CMSS1: variants seen among roughly 807,000 people sequenced by gnomAD.
The protein encoded by CMSS1 is protein CMSS1.
Under a neutral mutation model 43.5 loss-of-function variants are expected in CMSS1, and 33 were observed. That is an observed-to-expected ratio of 0.76 (90% CI 0.57 to 1.01). The LOEUF (loss-of-function observed/expected upper bound fraction) is 1.01, where lower values mean the gene tolerates loss of function less well. Among genes scored for constraint, CMSS1 ranks in the 50% least tolerant of loss-of-function variants. CMSS1 has a pLI of 0.00. For missense variants in CMSS1, 313 were observed against 326.4 expected (o/e 0.96, Z 0.32); for synonymous variants, 115 against 117.2 (o/e 0.98, Z 0.12).
At chr3:99,957,994 T>G (rs541592884) in intron 1 of CMSS1, among the ~76,000 whole-genome samples, 2 of 150,240 alleles carry the variant, frequency 1.3e-5, no homozygotes, top group South Asian at 4.2e-4. Context: ...TAGCCTCTTT[T>G]TAGTTATTAG....
intron 1 of CMSS1, among the ~76,000 whole-genome samples, chr3:100,058,960 G>C (rs2065512212): frequency 6.6e-6 from 1 of 152,206 alleles, no homozygotes; most frequent in African/African-American, 2.4e-5. Flanking sequence ...AAGGCATTTG[G>C]TGCAAGTTCA....
At chr3:99,893,576 A>G (rs913252916) in intron 1 of CMSS1, among the ~76,000 whole-genome samples, 7 of 152,154 alleles carry the variant, frequency 4.6e-5, no homozygotes, top group African/African-American at 1.7e-4. Context: ...TTTTTAAGGT[A>G]TGAGGTTTTA....
At chr3:99,919,691 G>C (rs1434132590) in intron 1 of CMSS1, among the ~76,000 whole-genome samples, 1 of 152,024 alleles carries the variant, frequency 6.6e-6, no homozygotes, top group Non-Finnish European at 1.5e-5. Context: ...CAGTGTTTTA[G>C]TCACCTTGTC....
chr3:99,997,263 T>A (rs2107152022), intron 1 of CMSS1, among the ~76,000 whole-genome samples: 1 of 152,220 alleles, frequency 6.6e-6, no homozygotes, highest in Non-Finnish European at 1.5e-5. Flanking sequence ...TCAGAAATGA[T>A]AAAAGGAGGC....
chr3:100,108,341 TAAC>T (rs2066428595), intron 1 of CMSS1, among the ~76,000 whole-genome samples: 2 of 152,286 alleles, frequency 1.3e-5, no homozygotes, highest in Admixed American at 6.5e-5. Flanking sequence ...ATAATGATAA[TAAC>T]AGCCTCTCAT....
chr3:100,093,412 T>C (rs1349711549), intron 1 of CMSS1, among the ~76,000 whole-genome samples: 1 of 152,246 alleles, frequency 6.6e-6, no homozygotes, highest in African/African-American at 2.4e-5. Flanking sequence ...AAAAAATATA[T>C]ACTTACATTA....
intron 1 of CMSS1, among the ~76,000 whole-genome samples, chr3:100,049,125 TCTTTC>T (rs2065327374): frequency 6.6e-6 from 1 of 152,268 alleles, no homozygotes; most frequent in Non-Finnish European, 1.5e-5. Context: ...CAAACAGTTC[TCTTTC>T]CTTGTTTTTT....
chr3:99,848,108 T>G (rs1209217450), intron 1 of CMSS1: 1 of 1,446,914 alleles, frequency 6.9e-7, no homozygotes, highest in East Asian at 2.5e-5. Flanking sequence ...GCACACTCGA[T>G]ATGACTATGC....
chr3:100,067,535 CT>C lies in CMSS1; in HGVS notation c.65-79437del, dbSNP rs370690713. On this transcript the variant is annotated intron_variant, in intron 1 of 9. Coordinates refer to ENST00000421999, the MANE Select transcript of CMSS1 (RefSeq NM_032359.4). ...GACAAAATTCACTTCATCTAAAATG[CT>C]GTCAAATCATCTGAATTTTGCAGAT... is the stretch of plus-strand genomic sequence containing the variant. Among the ~76,000 whole-genome samples, 679 of 152,260 alleles carry C rather than the reference CT, an allele frequency of 4.5e-3. 7 individuals carry two copies. The highest frequency in any genetic ancestry group is 0.016 in the African/African-American group (665 of 41,530).
chr3:100,147,635 T>C (rs182969752), intron 2 of CMSS1, among the ~76,000 whole-genome samples: 1 of 152,266 alleles, frequency 6.6e-6, no homozygotes, highest in Admixed American at 6.5e-5. Context: ...TACATCACAT[T>C]TTTGCCAAAA....
At chr3:100,114,895 G>C (rs2066544341) in intron 1 of CMSS1, 11 of 1,373,420 alleles carry the variant, frequency 8.0e-6, no homozygotes, top group Admixed American at 2.0e-5. Context: ...TATTAACGCT[G>C]TGTTGGACTC....
chr3:99,889,348 TTTTAAC>T (rs1390888515), intron 1 of CMSS1, among the ~76,000 whole-genome samples: 9 of 152,234 alleles, frequency 5.9e-5, no homozygotes, highest in African/African-American at 2.2e-4. Flanking sequence ...TTATAGATGT[TTTTAAC>T]TTTAAGTTCA....
intron 1 of CMSS1, among the ~76,000 whole-genome samples, chr3:99,999,759 T>C (rs537520671): frequency 1.3e-5 from 2 of 152,218 alleles, no homozygotes; most frequent in Non-Finnish European, 2.9e-5. Context: ...GGTCTCTTGC[T>C]CAATGGCAAG....
intron 1 of CMSS1, among the ~76,000 whole-genome samples, chr3:99,929,027 GTTTA>G (rs755527526): frequency 1.3e-5 from 2 of 152,210 alleles, no homozygotes; most frequent in African/African-American, 4.8e-5. Context: ...GGTTGCCAGA[GTTTA>G]TTTGAGGGAA....
At chr3:99,952,969 T>C (rs563364171) in intron 1 of CMSS1, among the ~76,000 whole-genome samples, 138 of 152,288 alleles carry the variant, frequency 9.1e-4, no homozygotes, top group African/African-American at 3.0e-3. Context: ...CTCTCATTGA[T>C]TTGGTTTTTG....
At chr3:100,000,160 G>A (rs1268235579) in intron 1 of CMSS1, among the ~76,000 whole-genome samples, 1 of 152,102 alleles carries the variant, frequency 6.6e-6, no homozygotes. Context: ...CCTGGAATTT[G>A]TTCCACAAAA....
At chr3:100,069,531 T>TA (rs989672582) in intron 1 of CMSS1, among the ~76,000 whole-genome samples, 1 of 152,118 alleles carries the variant, frequency 6.6e-6, no homozygotes, top group Non-Finnish European at 1.5e-5. Context: ...GGATTTCTGA[T>TA]ACGGCAGCCA....
At chr3:99,979,843 T>C (rs1287598423) in intron 1 of CMSS1, among the ~76,000 whole-genome samples, 1 of 152,178 alleles carries the variant, frequency 6.6e-6, no homozygotes. Context: ...TGAGTTCACA[T>C]ATAGGTATAA....
intron 1 of CMSS1, among the ~76,000 whole-genome samples, chr3:99,963,850 T>G (rs1447565293): frequency 1.3e-5 from 2 of 152,130 alleles, no homozygotes; most frequent in Non-Finnish European, 2.9e-5. Flanking sequence ...ACTCCTCATC[T>G]TGTGATCTGC....
Sources: allele counts gnomAD v4.1 joint callset (sites outside exome capture counted in the v4.1 genomes callset), GRCh38; gene constraint gnomAD v4.1.1; transcripts MANE v1.5; gene names NCBI Gene and HGNC (gene_info 2026-07-23, HGNC 2026-07-21).